The following FREM1 variants were observed in gnomAD, a reference collection of about 807,000 sequenced individuals.
The protein encoded by FREM1 is FRAS1 related extracellular matrix 1.
In FREM1, 220 loss-of-function variants were observed where a neutral mutation model predicts 210.1. That is an observed-to-expected ratio of 1.05 (90% CI 0.94 to 1.17). The LOEUF (loss-of-function observed/expected upper bound fraction) is 1.17. Ranked by LOEUF, FREM1 falls within the 50% of genes most tolerant of loss-of-function variation. The probability of loss-of-function intolerance (pLI) is 0.00; values close to 1 mark genes in which losing one functional copy is unlikely to be tolerated. For synonymous variants in FREM1, 1,189 were observed against 980.2 expected, an observed-to-expected ratio of 1.21 and a Z score of -3.98; for missense variants, 3,454 against 2,675.5, an observed-to-expected ratio of 1.29 and a Z score of -6.42.
intron 22 of FREM1, among the ~76,000 whole-genome samples, chr9:14,790,037 C>T (rs1851038108): frequency 6.6e-6 from 1 of 152,110 alleles, no homozygotes; most frequent in Non-Finnish European, 1.5e-5. Flanking sequence ...GAGTCTAAAA[C>T]AGAAATGTAA....
At chr9:14,844,476 C>T (rs545350651) in intron 8 of FREM1, among the ~76,000 whole-genome samples, 22 of 152,272 alleles carry the variant, frequency 1.4e-4, no homozygotes, top group African/African-American at 2.9e-4. Flanking sequence ...CTGCCGGTCT[C>T]GGCCTCCCAA....
At chr9:14,773,462 A>C (rs1847961379) in intron 25 of FREM1, among the ~76,000 whole-genome samples, 1 of 152,218 alleles carries the variant, frequency 6.6e-6, no homozygotes, top group Non-Finnish European at 1.5e-5. Context: ...AAGGCAAGAC[A>C]CTGAGTGTCA....
At chr9:14,845,520 G>C (rs1826448794) in intron 8 of FREM1, among the ~76,000 whole-genome samples, 1 of 152,128 alleles carries the variant, frequency 6.6e-6, no homozygotes, top group Non-Finnish European at 1.5e-5. Context: ...GGTCAGGCTG[G>C]TCTTGAACTC....
chr9:14,828,866 G>T (rs2130921580), intron 10 of FREM1, among the ~76,000 whole-genome samples: 1 of 152,242 alleles, frequency 6.6e-6, no homozygotes, highest in African/African-American at 2.4e-5. Context: ...ATTACAATAT[G>T]GTGTAAACCA....
intron 21 of FREM1, among the ~76,000 whole-genome samples, chr9:14,794,240 G>A (rs751929747): frequency 1.3e-5 from 2 of 152,120 alleles, no homozygotes; most frequent in Non-Finnish European, 2.9e-5. Flanking sequence ...GAAAGGGAAG[G>A]AGAAAAAGGC....
At position 14,801,792 on chromosome 9, in the gene FREM1, A is replaced by G. The variant is rs548077832; in HGVS notation, c.3554T>C (p.Phe1185Ser). 3.2e-5 allele frequency: 52 copies of G among 1,613,982 alleles called. 1 individual carries two copies. In the South Asian group the frequency reaches 5.1e-4, roughly 16 times the overall value. ...DLDIPQDALL[F>S]SITQKPRHGL... ...ATGGCGTGGCTTTTGAGTGATGCTG[A>G]ACAGCAGGGCATCCTGGGGAATGTC... is the stretch of plus-strand genomic sequence containing the variant. The change falls in exon 20 of 37, where the codon TTC (phenylalanine) becomes TCC (serine). Residue 1185 changes from phenylalanine to serine, a missense_variant. Transcript: ENST00000380880.
At chr9:14,873,187 A>G (rs1833025550) in intron 1 of FREM1, among the ~76,000 whole-genome samples, 2 of 152,216 alleles carry the variant, frequency 1.3e-5, no homozygotes, top group South Asian at 4.2e-4. Context: ...GCCTCATAAA[A>G]TGAGTTAGGG....
intron 27 of FREM1, among the ~76,000 whole-genome samples, chr9:14,761,648 C>T (rs577080034): frequency 6.6e-6 from 1 of 152,152 alleles, no homozygotes; most frequent in Non-Finnish European, 1.5e-5. Context: ...ACAAATAATT[C>T]ATAACTTTTA....
chr9:14,820,652 C>T (rs1218632090), intron 13 of FREM1, among the ~76,000 whole-genome samples: 2 of 152,216 alleles, frequency 1.3e-5, no homozygotes, highest in Non-Finnish European at 2.9e-5. Flanking sequence ...AGGGCAGCCC[C>T]TTGCATCATG....
intron 3 of FREM1, among the ~76,000 whole-genome samples, chr9:14,861,130 C>T (rs144147287): frequency 0.054 from 3,702 of 68,846 alleles, 442 homozygotes; most frequent in African/African-American, 0.19. Context: ...CATATATACA[C>T]ATATATACAT....
chr9:14,811,405 T>A (rs944289576), intron 16 of FREM1, among the ~76,000 whole-genome samples: 1 of 152,174 alleles, frequency 6.6e-6, no homozygotes, highest in Non-Finnish European at 1.5e-5. Context: ...GCCAGAGATG[T>A]TAAATAATTA....
intron 15 of FREM1, 127 bp from the exon 16 acceptor site, chr9:14,813,191 G>A (rs916596729): frequency 4.6e-5 from 47 of 1,030,196 alleles, no homozygotes; most frequent in African/African-American, 1.3e-4. Flanking sequence ...AACAACAGCC[G>A]TGAAATTTGG....
chr9:14,807,698 C>CA, intron 17 of FREM1, among the ~76,000 whole-genome samples: 1 of 151,274 alleles, frequency 6.6e-6, no homozygotes, highest in Non-Finnish European at 1.5e-5. Flanking sequence ...CACACACACA[C>CA]CCCAACACAC....
Position 14,842,006 on chromosome 9 carries a change from A to C in FREM1, c.1738+310T>G, listed in dbSNP as rs1379125486. ...TATCAATAATCTAGAATAGTCAAAA[A>C]ATCTCCTTTTAGACTAATTTGTTCT... is the stretch of plus-strand genomic sequence containing the variant. On this transcript the variant is annotated intron_variant, in intron 9 of 36. Transcript: ENST00000380880. 2.0e-5 allele frequency among the ~76,000 whole-genome samples: 3 copies of C among 152,280 alleles called. No individual in the cohort carries two copies. The East Asian group carries it at 5.8e-4, about 29-fold the overall frequency.
intron 24 of FREM1, chr9:14,779,520 C>G (rs931477633): frequency 1.0e-6 from 1 of 984,602 alleles, no homozygotes; most frequent in Non-Finnish European, 1.2e-6. Context: ...TTCTGACTTT[C>G]CTCCCTGCAG....
intron 3 of FREM1, among the ~76,000 whole-genome samples, chr9:14,860,772 C>CATATAT (rs1829868586): frequency 3.7e-5 from 4 of 109,368 alleles, no homozygotes; most frequent in South Asian, 5.2e-4. Context: ...CACATATATA[C>CATATAT]ACATATATAC....
At chr9:14,902,160 T>C (rs1266464900) in intron 1 of FREM1, among the ~76,000 whole-genome samples, 1 of 152,180 alleles carries the variant, frequency 6.6e-6, no homozygotes, top group African/African-American at 2.4e-5. Context: ...TTAATTAATA[T>C]GGAATTTCAA....
intron 20 of FREM1, among the ~76,000 whole-genome samples, 180 bp from the exon 21 acceptor site, chr9:14,797,822 AC>A (rs1211702554): frequency 3.3e-5 from 5 of 152,174 alleles, no homozygotes; most frequent in Non-Finnish European, 5.9e-5. Flanking sequence ...CCTATTAAAG[AC>A]TTTTTATTTA....
chr9:14,764,368 C>T (rs977544279), intron 27 of FREM1, among the ~76,000 whole-genome samples: 7 of 152,186 alleles, frequency 4.6e-5, no homozygotes, highest in African/African-American at 1.7e-4. Context: ...ACCTTACTAA[C>T]ATCATCTGTC....
Sources: allele counts gnomAD v4.1 joint callset (sites outside exome capture counted in the v4.1 genomes callset), GRCh38; gene constraint gnomAD v4.1.1; transcripts MANE v1.5; gene names NCBI Gene and HGNC (gene_info 2026-07-23, HGNC 2026-07-21).